Variants in HTR1F observed in about 807,000 individuals in gnomAD.
The protein encoded by HTR1F is 5-hydroxytryptamine receptor 1F.
In HTR1F, 17 loss-of-function variants were observed where a neutral mutation model predicts 24.0. The observed-to-expected ratio is 0.71, with a 90% CI of 0.48 to 1.06. The LOEUF is 1.06. Among genes scored for constraint, HTR1F ranks in the 50% least tolerant of loss-of-function variants. HTR1F has a pLI of 0.00. For missense variants in HTR1F, 391 were observed against 427.8 expected, an observed-to-expected ratio of 0.91 and a Z score of 0.76; for synonymous variants, 186 against 156.8, an observed-to-expected ratio of 1.19 and a Z score of -1.39.
intron 2 of HTR1F, among the ~76,000 whole-genome samples, chr3:87,917,612 G>A (rs1006164682): frequency 9.9e-5 from 15 of 151,736 alleles, no homozygotes; most frequent in African/African-American, 3.1e-4. Context: ...AGAAAACCAA[G>A]AATAGATGAA....
intron 2 of HTR1F, among the ~76,000 whole-genome samples, chr3:87,908,278 G>C (rs929566218): frequency 1.3e-5 from 2 of 151,924 alleles, no homozygotes; most frequent in Non-Finnish European, 2.9e-5. Context: ...AAAAGAAGTA[G>C]ATTGATATCA....
chr3:87,882,780 C>T, intron 2 of HTR1F, among the ~76,000 whole-genome samples: 1 of 151,872 alleles, frequency 6.6e-6, no homozygotes, highest in East Asian at 1.9e-4. Flanking sequence ...GGGTGCAGCG[C>T]ACCAGCATGG....
intron 2 of HTR1F, among the ~76,000 whole-genome samples, chr3:87,861,930 T>A (rs1283611526): frequency 2.0e-5 from 3 of 152,182 alleles, no homozygotes; most frequent in Non-Finnish European, 4.4e-5. Flanking sequence ...GCCATGTAGG[T>A]CCATTTATTT....
At chr3:87,883,053 C>G (rs183155837) in intron 2 of HTR1F, among the ~76,000 whole-genome samples, 1 of 151,976 alleles carries the variant, frequency 6.6e-6, no homozygotes, top group African/African-American at 2.4e-5. Flanking sequence ...CCAGTAGGGG[C>G]GGACACCTCA....
Position 87,979,137 on chromosome 3 carries a change from G to GAGGGAGGGAGGGAGGGAGGA in HTR1F, c.-42-11561_-42-11560insGGAGGGAGGAAGGGAGGGAG, listed in dbSNP as rs754642006. 5.0e-3 allele frequency among the ~76,000 whole-genome samples: 144 copies of GAGGGAGGGAGGGAGGGAGGA among 28,786 alleles called. 1 individual carries two copies. The highest frequency in any genetic ancestry group is 7.9e-3 in the African/African-American group (74 of 9,334). 18.9% of individuals were successfully genotyped at this position (28,786 alleles called of 152,430 possible). A position where few individuals can be genotyped will look rare whatever the true frequency, so the allele number is the denominator to read the frequency against. ...GAAGGAAGGGAGGGAGGGAGGGAGG[G>GAGGGAGGGAGGGAGGGAGGA]AGGGAGGGAGATGGGAAAGACTGAG... On this transcript the variant is annotated intron_variant, in intron 2 of 2. Transcript: ENST00000319595.
chr3:87,932,392 C>G (rs1704300345), intron 2 of HTR1F, among the ~76,000 whole-genome samples: 1 of 152,052 alleles, frequency 6.6e-6, no homozygotes, highest in African/African-American at 2.4e-5. Context: ...CCATTCTGTT[C>G]CATTGATCTA....
chr3:87,900,854 A>T (rs985033931), intron 2 of HTR1F, among the ~76,000 whole-genome samples: 1 of 152,190 alleles, frequency 6.6e-6, no homozygotes, highest in Admixed American at 6.5e-5. Flanking sequence ...GACATGTTAC[A>T]TTTGAGATGC....
intron 1 of HTR1F, among the ~76,000 whole-genome samples, chr3:87,798,088 A>G (rs1455226160): frequency 6.6e-6 from 1 of 152,192 alleles, no homozygotes; most frequent in Non-Finnish European, 1.5e-5. Context: ...ATGGCATCAT[A>G]AAGTCTCAGG....
At chr3:87,816,932 C>T (rs1704260527) in intron 1 of HTR1F, among the ~76,000 whole-genome samples, 1 of 151,902 alleles carries the variant, frequency 6.6e-6, no homozygotes, top group Admixed American at 6.6e-5. Flanking sequence ...GTAATTATGG[C>T]CCCCCACTTT....
chr3:87,866,819 CGTGT>C (rs763994292), intron 2 of HTR1F, among the ~76,000 whole-genome samples: 5,136 of 96,078 alleles, frequency 0.053, 156 homozygotes, highest in Non-Finnish European at 0.068. Context: ...AGTGTGCGTG[CGTGT>C]GTGTGTGTGT....
At position 87,985,362 on chromosome 3, in the gene HTR1F, A is replaced by T. The variant is rs72917783; in HGVS notation, c.-42-5346A>T. Among the ~76,000 whole-genome samples the T allele has an allele frequency of 6.8e-3, 1,039 of 152,154 alleles. 8 individuals are homozygous for T. Among genetic ancestry groups the T allele is most frequent in the African/African-American group, 0.024 (1,002 of 41,520 alleles). On this transcript the variant is annotated intron_variant, in intron 2 of 2. Transcript: ENST00000319595. ...AAAAAAAAAAAAGCAAAGAAAAAGT[A>T]GTTACTTGATAAGCCTCATGACTGA...
chr3:87,918,422 G>C (rs752167446), intron 2 of HTR1F, among the ~76,000 whole-genome samples: 6 of 151,974 alleles, frequency 3.9e-5, no homozygotes, highest in African/African-American at 9.7e-5. Flanking sequence ...TTAGTAAAGA[G>C]GAAGTCAAAC....
Position 87,984,242 on chromosome 3 carries a change from C to T in HTR1F, c.-42-6466C>T, listed in dbSNP as rs148567758. ...ACCATGCTATGATTAATTAATTATC[C>T]CTCACCAGTATTTCCAGGAAACTTT... On this transcript the variant is annotated intron_variant, in intron 2 of 2. Coordinates refer to ENST00000319595, the MANE Select transcript of HTR1F (RefSeq NM_001322209.2). Among the ~76,000 whole-genome samples the T allele has an allele frequency of 2.7e-3, 413 of 152,236 alleles. 2 individuals are homozygous for T. The highest frequency in any genetic ancestry group is 9.7e-3 in the African/African-American group (401 of 41,536).
intron 2 of HTR1F, among the ~76,000 whole-genome samples, chr3:87,947,106 T>C (rs1576075863): frequency 1.3e-5 from 2 of 152,268 alleles, no homozygotes; most frequent in South Asian, 4.1e-4. Context: ...CTTTGAATTC[T>C]TATTAAAAGA....
intron 2 of HTR1F, among the ~76,000 whole-genome samples, chr3:87,943,994 AG>A (rs1213849964): frequency 2.6e-5 from 4 of 152,158 alleles, no homozygotes; most frequent in Non-Finnish European, 4.4e-5. Context: ...TTAGTACTAG[AG>A]CCCCCTCTGT....
intron 2 of HTR1F, among the ~76,000 whole-genome samples, chr3:87,920,543 A>C (rs1454159880): frequency 2.0e-5 from 3 of 152,182 alleles, no homozygotes; most frequent in Non-Finnish European, 4.4e-5. Context: ...ATAAATCATG[A>C]CACGTAAAAC....
chr3:87,982,155 T>C (rs1294875359), intron 2 of HTR1F, among the ~76,000 whole-genome samples: 1 of 152,152 alleles, frequency 6.6e-6, no homozygotes, highest in African/African-American at 2.4e-5. Flanking sequence ...ATTCCTGACC[T>C]CAAGTGATCC....
chr3:87,885,949 C>T (rs1435629022), intron 2 of HTR1F, among the ~76,000 whole-genome samples: 1 of 152,074 alleles, frequency 6.6e-6, no homozygotes, highest in Non-Finnish European at 1.5e-5. Context: ...GAAACTATTC[C>T]AATCAATAGA....
intron 2 of HTR1F, among the ~76,000 whole-genome samples, chr3:87,944,141 C>T (rs1209422604): frequency 3.3e-5 from 5 of 152,150 alleles, no homozygotes; most frequent in Admixed American, 2.0e-4. Flanking sequence ...GGGGTCTGGG[C>T]TGCTGGATTC....
Sources: gnomAD v4.1 joint callset for allele counts (sites outside exome capture counted in the v4.1 genomes callset) on GRCh38, gnomAD v4.1.1 for gene constraint, MANE v1.5 for transcripts, NCBI Gene and HGNC (gene_info 2026-07-23, HGNC 2026-07-21) for gene names.